Variants in KIF4B observed in about 807,000 individuals in gnomAD.
KIF4B encodes the protein chromosome-associated kinesin KIF4B.
KIF4B carries 60 observed loss-of-function variants against 69.0 expected under a neutral mutation model. That is an observed-to-expected ratio of 0.87 (90% CI 0.71 to 1.08). The LOEUF (loss-of-function observed/expected upper bound fraction) is 1.08. Ranked by LOEUF, KIF4B falls within the 50% of genes least tolerant of loss-of-function variation. The pLI is 0.00. For missense variants in KIF4B, 1,357 were observed against 1,451.9 expected (o/e 0.93, Z 1.06); for synonymous variants, 489 against 533.0 (o/e 0.92, Z 1.14).
rs952241584 is a variant in KIF4B at position 155,014,853 on chromosome 5, A to G, written c.994A>G (p.Arg332Gly). 4 of 1,614,216 alleles carry G rather than the reference A, an allele frequency of 2.5e-6. No homozygotes were observed. Among genetic ancestry groups the G allele is most frequent in the Admixed American group, 1.7e-5 (1 of 60,032 alleles). Residue 332 changes from arginine to glycine, a missense_variant, in exon 1 of 1, where the codon AGA (arginine) becomes GGA (glycine). Coordinates refer to ENST00000435029, the MANE Select transcript of KIF4B (RefSeq NM_001099293.3). The stretch of plus-strand genomic sequence containing the variant: ...ATTAAGTACCCTTCGCTATGCTGAC[A>G]GAGCAAGAAAAATCAAGAACAAACC... ...ETLSTLRYAD[R>G]ARKIKNKPIV...
chr5:155,015,931 G>A lies in KIF4B; in HGVS notation c.2072G>A (p.Arg691Lys). ...CAATATGAGCTGCTCAAACTTGAAA[G>A]AAACTTCCAGAAACAATCCAGTGTG... ...KRQYELLKLE[R>K]NFQKQSSVLR... Residue 691 changes from arginine (R) to lysine (K), a missense_variant, in exon 1 of 1, where the codon AGA becomes AAA. Transcript: ENST00000435029. The A allele has an allele frequency of 6.2e-7, 1 of 1,614,166 alleles. No individual in the cohort carries two copies. The highest frequency in any genetic ancestry group is 8.5e-7 in the Non-Finnish European group (1 of 1,180,018).
In KIF4B at chr5:155,018,079, GT is replaced by G. The variant is rs1765358613; in HGVS notation, c.*516del. Reference sequence around the variant, plus strand: ...CTTGATTGTATGCCATGTTGTTGAAGTAAATGAATTATTTTTAAATGTTAAG... The same window carrying G: ...CTTGATTGTATGCCATGTTGTTGAAGAAATGAATTATTTTTAAATGTTAAG... On this transcript the variant is annotated 3_prime_UTR_variant, in exon 1 of 1. Transcript: ENST00000435029. 5.9e-6 allele frequency: 1 copy of G among 168,170 alleles called. No homozygotes were observed. Among genetic ancestry groups the G allele is most frequent in the South Asian group, 2.1e-4 (1 of 4,862 alleles). 10.4% of individuals were successfully genotyped at this position (168,170 alleles called of 1,614,324 possible). A position where few individuals can be genotyped will look rare whatever the true frequency, so the allele number is the denominator to read the frequency against.
Position 155,016,672 on chromosome 5 carries a change from T to C in KIF4B, c.2813T>C (p.Leu938Pro). The C allele has an allele frequency of 1.2e-6, 2 of 1,614,206 alleles. No individual in the cohort carries two copies. Among genetic ancestry groups the C allele is most frequent in the South Asian group, 1.1e-5 (1 of 91,080 alleles). ...QEKVLYLVSQ[L>P]QESQMAEKQL... ...AAGGTGCTATACCTTGTCAGCCAGC[T>C]GCAGGAAAGCCAAATGGCAGAGAAG... is the stretch of plus-strand genomic sequence containing the variant. The change falls in exon 1 of 1, where the codon CTG becomes CCG. Residue 938 changes from leucine to proline, a missense_variant. Physicochemically the swap from Leu to Pro is moderately conservative, Grantham distance 98. Transcript: ENST00000435029.
rs17116709 is a variant in KIF4B, at chr5:155,015,339, G to A, written c.1480G>A (p.Glu494Lys). 1.2e-6 allele frequency: 2 copies of A among 1,614,078 alleles called. No homozygotes were observed. The highest frequency in any genetic ancestry group is 2.2e-5 in the East Asian group (1 of 44,894). Residue 494 changes from glutamate to lysine, a missense_variant, in exon 1 of 1, where the codon GAA becomes AAA. Glu to Lys is a moderately conservative substitution (Grantham distance 56). Coordinates refer to ENST00000435029, the MANE Select transcript of KIF4B (RefSeq NM_001099293.3). ...TGCAGCCATTGATACTGCGGTAGAA[G>A]AAGAAGCTCAAGTGGAAACCAGTCC... ...TAAAIDTAVEEEAQVETSPET... is the reference protein window; with the variant it reads ...TAAAIDTAVEKEAQVETSPET...
In KIF4B at chr5:155,016,712, A is replaced by C; in HGVS notation, c.2853A>C (p.Ser951=). The change falls in exon 1 of 1, where the codon TCA becomes TCC. Residue 951 remains serine, a synonymous_variant. Transcript: ENST00000435029. ...TGGCAGAGAAGCAGTTAGAGAAATC[A>C]GCCAGTGAAAAGGAACAACAGCTGG... is the stretch of plus-strand genomic sequence containing the variant. ...SQMAEKQLEK[S]ASEKEQQLVS... is the part of the protein sequence containing the mutation. 6.2e-7 allele frequency: 1 copy of C among 1,614,244 alleles called. No homozygotes were observed. Among genetic ancestry groups the C allele is most frequent in the Non-Finnish European group, 8.5e-7 (1 of 1,180,044 alleles).
chr5:155,015,598 G>T lies in KIF4B; in HGVS notation c.1739G>T (p.Arg580Leu), dbSNP rs6580126. 1,168,215 of 1,614,006 alleles carry T rather than the reference G, an allele frequency of 0.72. 427,532 individuals carry two copies. Among genetic ancestry groups the T allele is most frequent in the African/African-American group, 0.88 (66,180 of 74,990 alleles). ...NLQKEKEELVRELQTAKKNVN... is the reference protein window; with the variant it reads ...NLQKEKEELVLELQTAKKNVN... ...CAAAAGGAAAAGGAAGAATTGGTTCGTGAACTTCAGACAGCAAAGAAGAAT... is the reference window on the plus strand; with the variant it reads ...CAAAAGGAAAAGGAAGAATTGGTTCTTGAACTTCAGACAGCAAAGAAGAAT... The change falls in exon 1 of 1, where the codon CGT becomes CTT. Residue 580 changes from arginine (R) to leucine (L), a missense_variant. By Grantham distance (102) the Arg-to-Leu change is moderately radical. Transcript: ENST00000435029.
In KIF4B at chr5:155,017,556, G is replaced by T. The variant is rs201190608; in HGVS notation, c.3697G>T (p.Ala1233Ser). 150 of 1,612,044 alleles carry T rather than the reference G, an allele frequency of 9.3e-5. No individual in the cohort carries two copies. The African/African-American group carries it at 1.5e-3, about 16-fold the overall frequency. Residue 1233 changes from alanine (A) to serine (S), a missense_variant, in exon 1 of 1, where the codon GCC becomes TCC. Coordinates refer to ENST00000435029, the MANE Select transcript of KIF4B (RefSeq NM_001099293.3). ...TGGCTGCTCCCCTATCGAAGAAGAG[G>T]CCCACTGAAGTTGGAGTCATCATCT... ...FSGCSPIEEE[A>S]H
rs888272184 is a variant in KIF4B, at chr5:155,017,148, A to C, written c.3289A>C (p.Lys1097Gln). ...GCSCKGWCGN[K>Q]QCGCRKQKSD... is the part of the protein sequence containing the mutation. ...TTCCTGCAAGGGCTGGTGTGGGAAC[A>C]AGCAGTGTGGGTGCAGGAAGCAAAA... Residue 1097 changes from lysine (K) to glutamine (Q), a missense_variant, in exon 1 of 1, where the codon AAG becomes CAG. Coordinates refer to ENST00000435029, the MANE Select transcript of KIF4B (RefSeq NM_001099293.3). The C allele has an allele frequency of 3.7e-6, 6 of 1,614,182 alleles. No individual in the cohort carries two copies. The highest frequency in any genetic ancestry group is 5.1e-6 in the Non-Finnish European group (6 of 1,180,040).
At position 155,017,430 on chromosome 5, in the gene KIF4B, G is replaced by C; in HGVS notation, c.3571G>C (p.Asp1191His). The C allele has an allele frequency of 6.2e-7, 1 of 1,614,096 alleles. No homozygotes were observed. Among genetic ancestry groups the C allele is most frequent in the Non-Finnish European group, 8.5e-7 (1 of 1,180,010 alleles). Residue 1191 changes from aspartate (D) to histidine (H), a missense_variant, in exon 1 of 1, where the codon GAC becomes CAC. Coordinates refer to ENST00000435029, the MANE Select transcript of KIF4B (RefSeq NM_001099293.3). ...GACTGCTCCAGCTCCCTCCCCTTTT[G>C]ACCTCCCAGAGTCGAAACATGGAGC... ...KKTAPAPSPF[D>H]LPESKHGATE...
chr5:155,017,289 C>G lies in KIF4B; in HGVS notation c.3430C>G (p.Leu1144Val), dbSNP rs1434851564. The change falls in exon 1 of 1, where the codon CTG (leucine) becomes GTG (valine). Residue 1144 changes from leucine to valine, a missense_variant. Transcript: ENST00000435029. Reference protein sequence around the residue: ...QTQDSEGSFKLEDPTEVTPGL... With the variant: ...QTQDSEGSFKVEDPTEVTPGL... ...CCAGGATTCCGAAGGCTCCTTCAAA[C>G]TGGAGGATCCTACCGAGGTGACCCC... 1 of 1,614,192 alleles carries G rather than the reference C, an allele frequency of 6.2e-7. No homozygotes were observed. Among genetic ancestry groups the G allele is most frequent in the Non-Finnish European group, 8.5e-7 (1 of 1,180,024 alleles).
rs139510975 is a variant in KIF4B at position 155,015,639 on chromosome 5, C to A, written c.1780C>A (p.Leu594Met). 5.4e-4 allele frequency: 879 copies of A among 1,614,214 alleles called. 8 individuals carry two copies. In the African/African-American group the frequency reaches 0.01, roughly 19 times the overall value. ...AAAGAAGAATGTCAACCAAGCCAAG[C>A]TGAGTGAGCACCGCCACAAACTTCT... ...TAKKNVNQAK[L>M]SEHRHKLLQE... The change falls in exon 1 of 1, where the codon CTG becomes ATG. Residue 594 changes from leucine (L) to methionine (M), a missense_variant. Leu to Met is a conservative substitution (Grantham distance 15). Coordinates refer to ENST00000435029, the MANE Select transcript of KIF4B (RefSeq NM_001099293.3).
rs1161942042 is a variant in KIF4B, at chr5:155,013,934, C to A, written c.75C>A (p.Ser25Arg). ...GCCCTCTGGTCCCCAAAGAGATTAGCGAGGGCTGCCAGATGTGCCTTTCCT... is the reference window on the plus strand; with the variant it reads ...GCCCTCTGGTCCCCAAAGAGATTAGAGAGGGCTGCCAGATGTGCCTTTCCT... ...RCRPLVPKEI[S>R]EGCQMCLSFV... is the part of the protein sequence containing the mutation. The change falls in exon 1 of 1, where the codon AGC becomes AGA. Residue 25 changes from serine to arginine, a missense_variant. Coordinates refer to ENST00000435029, the MANE Select transcript of KIF4B (RefSeq NM_001099293.3). The A allele has an allele frequency of 1.1e-5, 17 of 1,614,220 alleles. No homozygotes were observed. The highest frequency in any genetic ancestry group is 1.7e-5 in the Admixed American group (1 of 60,020).
In KIF4B at chr5:155,013,818, G is replaced by A. The variant is rs757309391; in HGVS notation, c.-42G>A. ...GGGCGGCGGGAGACCCCGGGTGAAC[G>A]GGGAAGGGACATTTAGTTTGAGACG... On this transcript the variant is annotated 5_prime_UTR_variant, in exon 1 of 1. Coordinates refer to ENST00000435029, the MANE Select transcript of KIF4B (RefSeq NM_001099293.3). The A allele has an allele frequency of 4.4e-6, 7 of 1,605,216 alleles. No homozygotes were observed. The highest frequency in any genetic ancestry group is 1.3e-5 in the African/African-American group (1 of 74,768).
At position 155,014,068 on chromosome 5, in the gene KIF4B, C is replaced by T. The variant is rs2113052951; in HGVS notation, c.209C>T (p.Ala70Val). The change falls in exon 1 of 1, where the codon GCG (alanine) becomes GTG (valine). Residue 70 changes from alanine to valine, a missense_variant. By Grantham distance (64) the Ala-to-Val change is moderately conservative. Transcript: ENST00000435029. The stretch of plus-strand genomic sequence containing the variant: ...GAAGAAGTCTTCAATAAAGCAGTAG[C>T]GCCGCTCATAAAAGGCATATTTAAA... The part of the protein sequence containing the change: ...EQEEVFNKAV[A>V]PLIKGIFKGY... 8 of 1,614,168 alleles carry T rather than the reference C, an allele frequency of 5.0e-6. No homozygotes were observed. The highest frequency in any genetic ancestry group is 3.3e-5 in the South Asian group (3 of 91,076).
In KIF4B at chr5:155,016,031, C is replaced by G. The variant is rs372849977; in HGVS notation, c.2172C>G (p.Val724=). ...ATGCTCTCCAGAAACAACGAGAGGT[C>G]ACAGATAAGCGGAAAGAGACTCAGA... ...LKDALQKQRE[V]TDKRKETQSH... Residue 724 remains valine, a synonymous_variant, in exon 1 of 1, where the codon GTC becomes GTG. Coordinates refer to ENST00000435029, the MANE Select transcript of KIF4B (RefSeq NM_001099293.3). 3 of 1,613,930 alleles carry G rather than the reference C, an allele frequency of 1.9e-6. No homozygotes were observed. The highest frequency in any genetic ancestry group is 2.5e-6 in the Non-Finnish European group (3 of 1,180,020).
At position 155,017,763 on chromosome 5, in the gene KIF4B, C is replaced by T; in HGVS notation, c.*199C>T. 1 of 986,312 alleles carries T rather than the reference C, an allele frequency of 1.0e-6. No homozygotes were observed. Among genetic ancestry groups the T allele is most frequent in the East Asian group, 2.7e-5 (1 of 37,016 alleles). 61.1% of individuals were successfully genotyped at this position (986,312 alleles called of 1,614,324 possible). A position where few individuals can be genotyped will look rare whatever the true frequency, so the allele number is the denominator to read the frequency against. ...CATCCCCAGACTACTGCTCTCTGCT[C>T]TCTAGAAGGCTGCTAAACCACCTGC... On this transcript the variant is annotated 3_prime_UTR_variant, in exon 1 of 1. Transcript: ENST00000435029.
In KIF4B at chr5:155,014,381, G is replaced by A. The variant is rs2113053668; in HGVS notation, c.522G>A (p.Val174=). 3.1e-6 allele frequency: 5 copies of A among 1,614,198 alleles called. No homozygotes were observed. Among genetic ancestry groups the A allele is most frequent in the Non-Finnish European group, 4.2e-6 (5 of 1,180,032 alleles). The change falls in exon 1 of 1, where the codon GTG becomes GTA. Residue 174 remains valine, a synonymous_variant. Transcript: ENST00000435029. ...ATCCTAAGGAAGGCATAAAGATTGT[G>A]GGACTCACTGAGAAGACTGTTTTAG... ...REDPKEGIKI[V]GLTEKTVLVA... is the part of the protein sequence containing the mutation.
rs371063141 is a variant in KIF4B at position 155,015,917 on chromosome 5, G to T, written c.2058G>T (p.Leu686=). ...KERDRKRQYE[L]LKLERNFQKQ... is the part of the protein sequence containing the mutation. Reference sequence around the variant, plus strand: ...GAGACCGTAAGAGGCAATATGAGCTGCTCAAACTTGAAAGAAACTTCCAGA... The same window carrying T: ...GAGACCGTAAGAGGCAATATGAGCTTCTCAAACTTGAAAGAAACTTCCAGA... The change falls in exon 1 of 1, where the codon CTG becomes CTT. Residue 686 remains leucine (L), a synonymous_variant. Coordinates refer to ENST00000435029, the MANE Select transcript of KIF4B (RefSeq NM_001099293.3). 1.9e-6 allele frequency: 3 copies of T among 1,614,102 alleles called. No individual in the cohort carries two copies. Among genetic ancestry groups the T allele is most frequent in the Non-Finnish European group, 2.5e-6 (3 of 1,180,048 alleles).
At position 155,014,788 on chromosome 5, in the gene KIF4B, T is replaced by A; in HGVS notation, c.929T>A (p.Ile310Lys). Residue 310 changes from isoleucine (I) to lysine (K), a missense_variant, in exon 1 of 1, where the codon ATA becomes AAA. Physicochemically the swap from Ile to Lys is moderately radical, Grantham distance 102. Coordinates refer to ENST00000435029, the MANE Select transcript of KIF4B (RefSeq NM_001099293.3). ...GGAGGTAACAGCCACACTCTTATGA[T>A]AGCCTGTGTGAGTCCTGCTGACTCC... Reference protein sequence around the residue: ...SLGGNSHTLMIACVSPADSNL... With the variant: ...SLGGNSHTLMKACVSPADSNL... 6.2e-7 allele frequency: 1 copy of A among 1,614,208 alleles called. No homozygotes were observed. Among genetic ancestry groups the A allele is most frequent in the Non-Finnish European group, 8.5e-7 (1 of 1,180,028 alleles).
Sources: allele counts gnomAD v4.1 joint callset, GRCh38; gene constraint gnomAD v4.1.1; transcripts MANE v1.5; gene names NCBI Gene and HGNC (gene_info 2026-07-23, HGNC 2026-07-21).